The following NRDC variants were observed in gnomAD, a reference collection of about 807,000 sequenced individuals.
NRDC encodes nardilysin convertase.
In NRDC, 54 loss-of-function variants were observed where a neutral mutation model predicts 147.1. The observed-to-expected ratio is 0.37, with a 90% CI of 0.29 to 0.46. The LOEUF (loss-of-function observed/expected upper bound fraction) is 0.46, where lower values mean the gene tolerates loss of function less well. Among genes scored for constraint, NRDC ranks in the 20% least tolerant of loss-of-function variants. The pLI is 1.00. For synonymous variants in NRDC, 440 were observed against 482.1 expected (o/e 0.91, Z 1.14); for missense variants, 1,082 against 1,370.6 (o/e 0.79, Z 3.33).
At position 51,791,560 on chromosome 1, in the gene NRDC, A is replaced by C; in HGVS notation, c.2960+18T>G. Reference sequence around the variant, plus strand: ...TGTCCATAATAGGTTACACTCATCTATTCACTCACTCACTCACTTGTATTT... The same window carrying C: ...TGTCCATAATAGGTTACACTCATCTCTTCACTCACTCACTCACTTGTATTT... On this transcript the variant is annotated intron_variant, in intron 27 of 30. Transcript: ENST00000352171. The C allele has an allele frequency of 6.3e-7, 1 of 1,587,770 alleles. No homozygotes were observed. The highest frequency in any genetic ancestry group is 8.6e-7 in the Non-Finnish European group (1 of 1,156,154).
At chr1:51,811,188 A>G (rs938445784) in intron 15 of NRDC, among the ~76,000 whole-genome samples, 1 of 152,128 alleles carries the variant, frequency 6.6e-6, no homozygotes, top group Non-Finnish European at 1.5e-5. Context: ...TTCCTCCTTT[A>G]CCTTTCCCTG....
At chr1:51,805,470 C>A in intron 19 of NRDC, 40 bp downstream of exon 19, 1 of 1,437,726 alleles carries the variant, frequency 7.0e-7, no homozygotes, top group Non-Finnish European at 9.5e-7. Flanking sequence ...TTTTCAATAA[C>A]TAAAAAATGT....
At chr1:51,877,701 C>T (rs923768666) in intron 1 of NRDC, among the ~76,000 whole-genome samples, 2 of 152,084 alleles carry the variant, frequency 1.3e-5, no homozygotes, top group African/African-American at 4.8e-5. Context: ...AGACCTAAGC[C>T]CTCTCTAATA....
At chr1:51,805,616 C>T in intron 18 of NRDC, 55 bp from the exon 19 acceptor site, 1 of 1,082,188 alleles carries the variant, frequency 9.2e-7, no homozygotes, top group Non-Finnish European at 1.4e-6. Flanking sequence ...ATATTTTATA[C>T]ATCTGTTATT....
intron 13 of NRDC, 194 bp downstream of exon 13, chr1:51,814,357 G>A (rs1679862610): frequency 1.7e-6 from 1 of 585,396 alleles, no homozygotes; most frequent in African/African-American, 1.9e-5. Context: ...AAAATAAAGG[G>A]ACTGCCCACA....
chr1:51,811,116 C>A (rs2149200670), intron 15 of NRDC, among the ~76,000 whole-genome samples: 1 of 152,254 alleles, frequency 6.6e-6, no homozygotes, highest in East Asian at 1.9e-4. Flanking sequence ...CAGAAAAAAA[C>A]ACAACCAGCC....
chr1:51,798,568 C>CA, intron 21 of NRDC, 157 bp from the exon 22 acceptor site: 1 of 602,098 alleles, frequency 1.7e-6, no homozygotes, highest in African/African-American at 1.9e-5. Flanking sequence ...TCAGATTAAC[C>CA]AAAAAAGTAC....
intron 28 of NRDC, 27 bp from the exon 29 acceptor site, chr1:51,790,676 C>T (rs200695651): frequency 3.9e-4 from 593 of 1,501,892 alleles, no homozygotes; most frequent in Non-Finnish European, 5.0e-4. Context: ...GAAAGATGCT[C>T]AGGTGAGGCA....
At chr1:51,867,836 C>T (rs1682890601) in intron 1 of NRDC, among the ~76,000 whole-genome samples, 1 of 152,142 alleles carries the variant, frequency 6.6e-6, no homozygotes, top group Non-Finnish European at 1.5e-5. Flanking sequence ...GATAACTCAA[C>T]AAGTTTTGCT....
chr1:51,846,293 A>T (rs2149229239), intron 1 of NRDC, among the ~76,000 whole-genome samples: 1 of 152,180 alleles, frequency 6.6e-6, no homozygotes, highest in East Asian at 1.9e-4. Flanking sequence ...TTTTATTTTT[A>T]ATAGAGACGG....
Position 51,800,536 on chromosome 1 carries a change from C to T in NRDC, c.2441+20G>A, listed in dbSNP as rs756906653. On this transcript the variant is annotated intron_variant, in intron 21 of 30. Transcript: ENST00000352171. Reference sequence around the variant, plus strand: ...TACTTTCAGGTCCTCAAAATATAAGCTCATCTCATTTATACCCACTTGGCC... The same window carrying T: ...TACTTTCAGGTCCTCAAAATATAAGTTCATCTCATTTATACCCACTTGGCC... 5 of 1,612,774 alleles carry T rather than the reference C, an allele frequency of 3.1e-6. No individual in the cohort carries two copies. Among genetic ancestry groups the T allele is most frequent in the Non-Finnish European group, 4.2e-6 (5 of 1,179,386 alleles).
intron 14 of NRDC, among the ~76,000 whole-genome samples, chr1:51,813,603 C>T (rs1408083951): frequency 1.3e-5 from 2 of 152,112 alleles, no homozygotes; most frequent in Admixed American, 1.3e-4. Context: ...GCCTGTGAGC[C>T]TATTTCAATC....
intron 2 of NRDC, 38 bp from the exon 3 acceptor site, chr1:51,836,250 C>T: frequency 6.3e-7 from 1 of 1,599,392 alleles, no homozygotes; most frequent in South Asian, 1.1e-5. Context: ...GTTGAGTCAA[C>T]CCTAAAGGAA....
intron 1 of NRDC, among the ~76,000 whole-genome samples, chr1:51,865,312 T>G (rs1232849817): frequency 6.6e-6 from 1 of 150,398 alleles, no homozygotes. Context: ...TTCGTTTTGT[T>G]TTTTTTTTTT....
chr1:51,805,641 A>C (rs1387862402), intron 18 of NRDC, 80 bp from the exon 19 acceptor site: 1 of 822,062 alleles, frequency 1.2e-6, no homozygotes, highest in Non-Finnish European at 1.9e-6. Flanking sequence ...CCTAATATAT[A>C]TATTTTTTAA....
chr1:51,868,628 C>G (rs189260735), intron 1 of NRDC, among the ~76,000 whole-genome samples: 15 of 152,290 alleles, frequency 9.8e-5, no homozygotes, highest in Admixed American at 8.5e-4. Context: ...AATTCCAGCA[C>G]TTTGGGAGAT....
At chr1:51,821,477 G>A (rs765798405) in intron 8 of NRDC, 21 bp downstream of exon 8, 1 of 1,520,622 alleles carries the variant, frequency 6.6e-7, no homozygotes, top group Non-Finnish European at 9.1e-7. Flanking sequence ...GGTGTATGAT[G>A]TATGAAAATA....
At chr1:51,816,138 AAATAT>A (rs1349795335) in intron 11 of NRDC, 169 bp downstream of exon 11, 5 of 364,588 alleles carry the variant, frequency 1.4e-5, no homozygotes, top group African/African-American at 1.1e-4. Context: ...GGAAATACAC[AAATAT>A]AATATGGCCA....
chr1:51,844,811 GAGGAAAGAAGGAAGGAAGGAAGGA>G (rs1681460131), intron 1 of NRDC, among the ~76,000 whole-genome samples: 1 of 82,438 alleles, frequency 1.2e-5, no homozygotes, highest in Non-Finnish European at 2.5e-5. Flanking sequence ...GGGAGGGAGG[GAGGAAAGAAGGAAGGAAGGAAGGA>G]AGGAAGGAAG....
Sources: allele counts gnomAD v4.1 joint callset (sites outside exome capture counted in the v4.1 genomes callset), GRCh38; gene constraint gnomAD v4.1.1; transcripts MANE v1.5; gene names NCBI Gene and HGNC (gene_info 2026-07-23, HGNC 2026-07-21).